Variants in LINGO2 observed in about 807,000 individuals in gnomAD.
The protein encoded by LINGO2 is leucine-rich repeat and immunoglobulin-like domain-containing nogo receptor-interacting protein 2.
A neutral mutation model predicts 30.6 loss-of-function variants in LINGO2; 14 were observed. The ratio of observed to expected loss-of-function variants is 0.46; its 90% CI spans 0.30 to 0.72. The LOEUF is 0.72. Ranked by LOEUF, LINGO2 falls within the 30% of genes least tolerant of loss-of-function variation. The pLI, the probability that LINGO2 is intolerant of heterozygous loss-of-function variation, is 0.07. For missense variants in LINGO2, 729 were observed against 751.7 expected, an observed-to-expected ratio of 0.97 and a Z score of 0.35; for synonymous variants, 317 against 288.5, an observed-to-expected ratio of 1.10 and a Z score of -1.00.
chr9:28,296,470 A>G (rs1823926321), intron 3 of LINGO2, among the ~76,000 whole-genome samples: 1 of 152,162 alleles, frequency 6.6e-6, no homozygotes, highest in Non-Finnish European at 1.5e-5. Flanking sequence ...AGATTCATGG[A>G]CACAGGTGCA....
chr9:28,179,287 T>C (rs187112749), intron 4 of LINGO2, among the ~76,000 whole-genome samples: 1,620 of 146,114 alleles, frequency 0.011, 13 homozygotes, highest in Middle Eastern at 0.029. Flanking sequence ...ACTATATATA[T>C]ACCATATATA....
chr9:28,267,077 T>G (rs886784748), intron 4 of LINGO2, among the ~76,000 whole-genome samples: 1 of 151,976 alleles, frequency 6.6e-6, no homozygotes, highest in Non-Finnish European at 1.5e-5. Flanking sequence ...AATAATGCCC[T>G]GTTTGTGTAG....
intron 2 of LINGO2, among the ~76,000 whole-genome samples, chr9:28,385,635 A>G (rs1158101750): frequency 6.6e-6 from 1 of 152,182 alleles, no homozygotes; most frequent in African/African-American, 2.4e-5. Flanking sequence ...TAAATATTCA[A>G]AACATAAACT....
the LINGO2 span, among the ~76,000 whole-genome samples, chr9:28,697,593 GA>G: frequency 6.8e-5 from 10 of 147,582 alleles, no homozygotes; most frequent in East Asian, 1.2e-3. Context: ...CTGCTAGTTT[GA>G]AAAAAAAAAT....
chr9:28,606,784 G>A (rs1485689337), intron 1 of LINGO2, among the ~76,000 whole-genome samples: 1 of 152,004 alleles, frequency 6.6e-6, no homozygotes, highest in East Asian at 1.9e-4. Context: ...CAAGTACTGT[G>A]CATGCAATTA....
At chr9:28,742,838 G>GC in the LINGO2 span, among the ~76,000 whole-genome samples, 3 of 55,976 alleles carry the variant, frequency 5.4e-5, no homozygotes, top group Middle Eastern at 9.1e-3. Context: ...ATTTCCTCTT[G>GC]CCCCCTCTGT....
At chr9:28,990,013 T>A in the LINGO2 span, among the ~76,000 whole-genome samples, 1 of 152,230 alleles carries the variant, frequency 6.6e-6, no homozygotes, top group East Asian at 1.9e-4. Flanking sequence ...AACGGGTTCA[T>A]CTCACTAGGG....
chr9:28,471,383 A>G (rs1212832468), intron 2 of LINGO2, among the ~76,000 whole-genome samples: 1 of 152,188 alleles, frequency 6.6e-6, no homozygotes, highest in East Asian at 1.9e-4. Flanking sequence ...GTCTTGGTAA[A>G]TTATCCAGTC....
the LINGO2 span, among the ~76,000 whole-genome samples, chr9:29,051,850 T>C: frequency 1.3e-3 from 199 of 152,302 alleles, no homozygotes; most frequent in Non-Finnish European, 1.7e-3. Context: ...CTTTGTGTTA[T>C]AAATTTTTCA....
intron 1 of LINGO2, among the ~76,000 whole-genome samples, chr9:28,668,437 T>C (rs1294827503): frequency 3.3e-5 from 5 of 152,066 alleles, no homozygotes; most frequent in Admixed American, 2.0e-4. Flanking sequence ...CAGAAAAATT[T>C]GCATATGGAT....
the LINGO2 span, among the ~76,000 whole-genome samples, chr9:29,119,429 TG>T: frequency 5.3e-4 from 80 of 151,388 alleles, no homozygotes; most frequent in Non-Finnish European, 9.6e-4. Context: ...GAGAAATTGC[TG>T]GAAAAAAAAG....
the LINGO2 span, among the ~76,000 whole-genome samples, chr9:28,732,917 G>A: frequency 6.6e-6 from 1 of 152,162 alleles, no homozygotes; most frequent in African/African-American, 2.4e-5. Flanking sequence ...ATTTTGGAGA[G>A]GCCAGTTCTG....
intron 1 of LINGO2, among the ~76,000 whole-genome samples, chr9:28,495,313 T>C (rs1040998466): frequency 1.3e-5 from 2 of 152,212 alleles, no homozygotes; most frequent in African/African-American, 4.8e-5. Flanking sequence ...CTGAATGGTA[T>C]TGCCTAGCTT....
the LINGO2 span, among the ~76,000 whole-genome samples, chr9:29,013,722 T>C: frequency 6.6e-6 from 1 of 152,168 alleles, no homozygotes; most frequent in Non-Finnish European, 1.5e-5. Flanking sequence ...TTGCAGAATA[T>C]ATTGACTTAT....
intron 1 of LINGO2, among the ~76,000 whole-genome samples, chr9:28,596,708 G>A (rs1006873657): frequency 1.3e-5 from 2 of 152,116 alleles, no homozygotes; most frequent in Non-Finnish European, 2.9e-5. Context: ...AATGCCTTTA[G>A]CATAAAACTG....
chr9:28,929,495 C>G, the LINGO2 span, among the ~76,000 whole-genome samples: 7 of 152,238 alleles, frequency 4.6e-5, no homozygotes, highest in East Asian at 3.9e-4. Context: ...CAGGAAATGA[C>G]AGTTACCCAG....
At chr9:28,862,107 G>A in the LINGO2 span, among the ~76,000 whole-genome samples, 3 of 151,998 alleles carry the variant, frequency 2.0e-5, no homozygotes, top group Non-Finnish European at 4.4e-5. Flanking sequence ...AAGAGCTCTA[G>A]GACAAATTAA....
the LINGO2 span, among the ~76,000 whole-genome samples, chr9:28,787,957 T>C: frequency 6.6e-6 from 1 of 152,180 alleles, no homozygotes; most frequent in Non-Finnish European, 1.5e-5. Context: ...TTTTAAACAA[T>C]ATCTAAATTC....
chr9:27,963,348 A>C (rs955948272), intron 5 of LINGO2, among the ~76,000 whole-genome samples: 3 of 152,122 alleles, frequency 2.0e-5, no homozygotes, highest in African/African-American at 7.2e-5. Flanking sequence ...TACACTTCAG[A>C]AAGATGTCCT....
Sources: allele counts gnomAD v4.1 joint callset (sites outside exome capture counted in the v4.1 genomes callset), GRCh38; gene constraint gnomAD v4.1.1; transcripts MANE v1.5; gene names NCBI Gene and HGNC (gene_info 2026-07-23, HGNC 2026-07-21).